The following MALRD1 variants were observed in gnomAD, a reference collection of about 807,000 sequenced individuals.
The protein encoded by MALRD1 is MAM and LDL receptor class A domain containing 1.
A neutral mutation model predicts 242.1 loss-of-function variants in MALRD1; 247 were observed. The ratio of observed to expected loss-of-function variants is 1.02; its 90% CI spans 0.92 to 1.13. The LOEUF (loss-of-function observed/expected upper bound fraction) is 1.13. Ranked by LOEUF, MALRD1 falls within the 50% of genes most tolerant of loss-of-function variation. The probability of loss-of-function intolerance (pLI) is 0.00; values close to 1 mark genes in which losing one functional copy is unlikely to be tolerated. For synonymous variants in MALRD1, 995 were observed against 866.6 expected (o/e 1.15, Z -2.60); for missense variants, 2,989 against 2,533.1 (o/e 1.18, Z -3.86).
At chr10:19,725,576 C>T (rs1218993348) in intron 38 of MALRD1, among the ~76,000 whole-genome samples, 1 of 152,176 alleles carries the variant, frequency 6.6e-6, no homozygotes, top group East Asian at 1.9e-4. Context: ...AAAATTCCAA[C>T]AGCCATTTTT....
In MALRD1 at chr10:19,283,017, A is replaced by G. The variant is rs1429483833; in HGVS notation, c.3257-2A>G. The G allele has an allele frequency of 6.5e-7, 1 of 1,537,296 alleles. No individual in the cohort carries two copies. The highest frequency in any genetic ancestry group is 8.8e-7 in the Non-Finnish European group (1 of 1,139,252). Reference sequence around the variant, plus strand: ...CCTTTTCTTTGTTCTACCCCATCCAAGTTATGGAAGTTTGCAGCTTTGAGA... The same window carrying G: ...CCTTTTCTTTGTTCTACCCCATCCAGGTTATGGAAGTTTGCAGCTTTGAGA... On this transcript the variant is annotated splice_acceptor_variant, in intron 20 of 39. Coordinates refer to ENST00000454679, the MANE Select transcript of MALRD1 (RefSeq NM_001142308.3). LOFTEE classifies it high-confidence loss of function.
intron 32 of MALRD1, among the ~76,000 whole-genome samples, chr10:19,552,370 T>G (rs540628968): frequency 6.6e-6 from 1 of 152,286 alleles, no homozygotes; most frequent in African/African-American, 2.4e-5. Context: ...GAGGTATTTA[T>G]AATATTCTCT....
At chr10:19,061,185 T>C (rs1466128887) in intron 1 of MALRD1, among the ~76,000 whole-genome samples, 1 of 152,052 alleles carries the variant, frequency 6.6e-6, no homozygotes, top group Non-Finnish European at 1.5e-5. Flanking sequence ...GCTTAATACC[T>C]AGGTGATGGG....
intron 33 of MALRD1, among the ~76,000 whole-genome samples, chr10:19,571,860 A>G (rs1836560122): frequency 1.3e-5 from 2 of 152,212 alleles, no homozygotes; most frequent in African/African-American, 4.8e-5. Flanking sequence ...TTAAGATCTT[A>G]TAACAAAACA....
intron 32 of MALRD1, among the ~76,000 whole-genome samples, chr10:19,554,584 T>G (rs1835632898): frequency 6.6e-6 from 1 of 151,952 alleles, no homozygotes. Context: ...TGTTGTCCCA[T>G]TCTTTGTGTC....
intron 11 of MALRD1, among the ~76,000 whole-genome samples, chr10:19,149,834 T>C (rs1381858239): frequency 6.6e-6 from 1 of 152,176 alleles, no homozygotes; most frequent in Admixed American, 6.5e-5. Context: ...TGCCATTATG[T>C]ACTCAATAAT....
intron 39 of MALRD1, among the ~76,000 whole-genome samples, chr10:19,733,427 T>A (rs945212842): frequency 3.9e-5 from 6 of 152,164 alleles, no homozygotes; most frequent in African/African-American, 1.4e-4. Flanking sequence ...TGCAGGATCA[T>A]CCCTAAACAT....
chr10:19,275,916 A>T (rs1251443304), intron 19 of MALRD1, among the ~76,000 whole-genome samples: 1 of 152,148 alleles, frequency 6.6e-6, no homozygotes, highest in Non-Finnish European at 1.5e-5. Flanking sequence ...AACATGTGTG[A>T]TCCACTGTTT....
chr10:19,238,763 T>C (rs188823291), intron 18 of MALRD1, among the ~76,000 whole-genome samples: 88 of 150,462 alleles, frequency 5.8e-4, no homozygotes, highest in Admixed American at 4.8e-3. Context: ...ATGATTGTTT[T>C]TTTTGTTTTT....
chr10:19,325,006 CTTTTTTT>C (rs34290618), intron 22 of MALRD1, among the ~76,000 whole-genome samples: 13 of 77,942 alleles, frequency 1.7e-4, no homozygotes, highest in South Asian at 5.4e-4. Context: ...TCAGTAGTTG[CTTTTTTT>C]TTTTTTTTTT....
chr10:19,243,981 T>G (rs1022394447), intron 18 of MALRD1, among the ~76,000 whole-genome samples: 1 of 152,178 alleles, frequency 6.6e-6, no homozygotes, highest in Non-Finnish European at 1.5e-5. Context: ...AACTCTAAGA[T>G]TCCTATGAAT....
intron 5 of MALRD1, among the ~76,000 whole-genome samples, chr10:19,113,819 A>ACT (rs146310858): frequency 0.18 from 26,461 of 147,158 alleles, 2,528 homozygotes; most frequent in Middle Eastern, 0.28. Flanking sequence ...ACACACACAC[A>ACT]CACACACACA....
chr10:19,519,324 A>G (rs572802640), intron 31 of MALRD1, among the ~76,000 whole-genome samples: 120 of 152,166 alleles, frequency 7.9e-4, no homozygotes, highest in Non-Finnish European at 1.4e-3. Context: ...TATGCCACCA[A>G]AACATATAAG....
chr10:19,394,413 C>A (rs1846485903), intron 28 of MALRD1, among the ~76,000 whole-genome samples: 2 of 152,120 alleles, frequency 1.3e-5, no homozygotes, highest in African/African-American at 4.8e-5. Context: ...TTTTATCTAA[C>A]AATTTTGCTA....
intron 21 of MALRD1, chr10:19,290,417 T>TG (rs1345173611): frequency 2.6e-5 from 4 of 152,196 alleles, no homozygotes; most frequent in Non-Finnish European, 4.4e-5. Flanking sequence ...GGTTACCTGG[T>TG]GTGATTTTTC....
chr10:19,178,049 C>T (rs778896931), intron 14 of MALRD1, among the ~76,000 whole-genome samples: 5 of 152,008 alleles, frequency 3.3e-5, no homozygotes, highest in East Asian at 3.9e-4. Flanking sequence ...GAGCTCTTAC[C>T]GAGGCAAAAG....
Position 19,595,268 on chromosome 10 carries a change from C to A in MALRD1, c.5755C>A (p.Leu1919Ile). The change falls in exon 34 of 40, where the codon CTC becomes ATC. Residue 1919 changes from leucine (L) to isoleucine (I), a missense_variant. Transcript: ENST00000454679. Reference protein sequence around the residue: ...SCIYTLQCVPLSGKCDGHEDC... With the variant: ...SCIYTLQCVPISGKCDGHEDC... ...TATCTACACACTCCAATGTGTCCCT[C>A]TCTCAGGGAAATGTGATGGACATGA... is the stretch of plus-strand genomic sequence containing the variant. 1 of 1,550,628 alleles carries A rather than the reference C, an allele frequency of 6.4e-7. No individual in the cohort carries two copies. Among genetic ancestry groups the A allele is most frequent in the Non-Finnish European group, 8.7e-7 (1 of 1,146,930 alleles).
At chr10:19,331,001 G>A (rs183323965) in intron 23 of MALRD1, among the ~76,000 whole-genome samples, 1 of 152,254 alleles carries the variant, frequency 6.6e-6, no homozygotes, top group East Asian at 1.9e-4. Context: ...TATGTCATCT[G>A]ATCTACTGCT....
chr10:19,180,488 A>G (rs914659928), intron 14 of MALRD1, among the ~76,000 whole-genome samples: 4 of 152,226 alleles, frequency 2.6e-5, no homozygotes, highest in African/African-American at 9.6e-5. Context: ...TCTCGTCAGT[A>G]AATGGTGCCG....
Sources: gnomAD v4.1 joint callset for allele counts (sites outside exome capture counted in the v4.1 genomes callset) on GRCh38, gnomAD v4.1.1 for gene constraint, MANE v1.5 for transcripts, NCBI Gene and HGNC (gene_info 2026-07-23, HGNC 2026-07-21) for gene names.